Variants in ADAMTS19 observed in about 807,000 individuals in gnomAD.
ADAMTS19 encodes A disintegrin and metalloproteinase with thrombospondin motifs 19.
Under a neutral mutation model 153.3 loss-of-function variants are expected in ADAMTS19, and 93 were observed. The observed-to-expected ratio is 0.61, with a 90% confidence interval of 0.51 to 0.72. The LOEUF (loss-of-function observed/expected upper bound fraction) is 0.72, where lower values mean the gene tolerates loss of function less well. ADAMTS19 is among the 30% of genes least tolerant of loss of function. ADAMTS19 has a pLI of 0.00. For synonymous variants in ADAMTS19, 600 were observed against 556.6 expected (o/e 1.08, Z -1.10); for missense variants, 1,482 against 1,552.1 (o/e 0.95, Z 0.76).
chr5:129,589,595 G>T (rs1749997135), intron 7 of ADAMTS19, among the ~76,000 whole-genome samples: 1 of 151,934 alleles, frequency 6.6e-6, no homozygotes, highest in Non-Finnish European at 1.5e-5. Context: ...ATTATGAAGT[G>T]GTTTCTTTCT....
intron 7 of ADAMTS19, among the ~76,000 whole-genome samples, chr5:129,586,435 T>C (rs1467795659): frequency 6.6e-6 from 1 of 152,188 alleles, no homozygotes. Context: ...ATAGGTAGCC[T>C]TTTCAGACTA....
At chr5:129,510,000 T>A (rs1164011558) in intron 3 of ADAMTS19, among the ~76,000 whole-genome samples, 1 of 151,884 alleles carries the variant, frequency 6.6e-6, no homozygotes, top group Non-Finnish European at 1.5e-5. Context: ...AATTAAAAGT[T>A]TTCCTAGGAA....
intron 8 of ADAMTS19, among the ~76,000 whole-genome samples, chr5:129,607,978 C>T (rs1750988896): frequency 7.0e-6 from 1 of 142,988 alleles, no homozygotes; most frequent in Non-Finnish European, 1.5e-5. Context: ...TATATATTTC[C>T]ATTATATAAA....
intron 6 of ADAMTS19, among the ~76,000 whole-genome samples, chr5:129,537,118 T>C (rs1193086370): frequency 1.3e-5 from 2 of 151,432 alleles, no homozygotes; most frequent in Non-Finnish European, 2.9e-5. Flanking sequence ...GGGTGAAGGA[T>C]ATTAACAGAC....
chr5:129,708,506 T>A lies in ADAMTS19; in HGVS notation c.3312+4115T>A, dbSNP rs191936901. ...CTAATGTTTAATGAAATGACATTTTTTTTTTTGGTCTGAATTTGACCTTCC... is the reference window on the plus strand; with the variant it reads ...CTAATGTTTAATGAAATGACATTTTATTTTTTGGTCTGAATTTGACCTTCC... On this transcript the variant is annotated intron_variant, in intron 21 of 22. Coordinates refer to ENST00000274487, the MANE Select transcript of ADAMTS19 (RefSeq NM_133638.6). 3.4e-3 allele frequency among the ~76,000 whole-genome samples: 509 copies of A among 151,814 alleles called. 4 individuals are homozygous for A. The highest frequency in any genetic ancestry group is 0.012 in the African/African-American group (497 of 41,436).
rs181806790 is a variant in ADAMTS19, at chr5:129,494,777, T to C, written c.748-14300T>C. On this transcript the variant is annotated intron_variant, in intron 2 of 22. Coordinates refer to ENST00000274487, the MANE Select transcript of ADAMTS19 (RefSeq NM_133638.6). ...CCAAAATTATATTGTGATCCTCATA[T>C]TGTGAATTCTTCTTTCTTTCAAATT... Among the ~76,000 whole-genome samples the C allele has an allele frequency of 3.9e-3, 593 of 152,304 alleles. 1 individual carries two copies. Among genetic ancestry groups the C allele is most frequent in the Non-Finnish European group, 6.3e-3 (431 of 68,014 alleles).
At chr5:129,722,335 A>G (rs1290702670) in intron 21 of ADAMTS19, among the ~76,000 whole-genome samples, 2 of 151,952 alleles carry the variant, frequency 1.3e-5, no homozygotes, top group African/African-American at 4.8e-5. Flanking sequence ...TTTGATTTGC[A>G]TTTCTCTAAT....
chr5:129,496,921 G>A (rs551454943), intron 2 of ADAMTS19, among the ~76,000 whole-genome samples: 1 of 152,138 alleles, frequency 6.6e-6, no homozygotes, highest in African/African-American at 2.4e-5. Context: ...CAACAATATG[G>A]AACATGTAAA....
chr5:129,473,310 A>T (rs1022238018), intron 2 of ADAMTS19, among the ~76,000 whole-genome samples: 10 of 152,054 alleles, frequency 6.6e-5, no homozygotes, highest in African/African-American at 2.2e-4. Context: ...TGTTATGTAA[A>T]ATGTGATAGG....
At chr5:129,578,766 T>A (rs890397331) in intron 7 of ADAMTS19, among the ~76,000 whole-genome samples, 1 of 152,146 alleles carries the variant, frequency 6.6e-6, no homozygotes, top group Non-Finnish European at 1.5e-5. Context: ...ACAAAGGACA[T>A]GAACTCATCC....
At chr5:129,553,791 A>C (rs2126827364) in intron 7 of ADAMTS19, among the ~76,000 whole-genome samples, 1 of 152,208 alleles carries the variant, frequency 6.6e-6, no homozygotes. Flanking sequence ...TAAAATGAAA[A>C]CTTATAACAA....
intron 3 of ADAMTS19, among the ~76,000 whole-genome samples, chr5:129,525,942 ATTGAG>A (rs1213200961): frequency 6.6e-6 from 1 of 152,010 alleles, no homozygotes; most frequent in African/African-American, 2.4e-5. Context: ...TCTTTTATTT[ATTGAG>A]TTATTTTGTT....
At chr5:129,533,674 T>C (rs891533270) in intron 6 of ADAMTS19, among the ~76,000 whole-genome samples, 8 of 152,164 alleles carry the variant, frequency 5.3e-5, no homozygotes, top group Non-Finnish European at 1.0e-4. Flanking sequence ...CTAGTTCTTT[T>C]AATTGTGATG....
At chr5:129,536,746 T>A (rs959965227) in intron 6 of ADAMTS19, among the ~76,000 whole-genome samples, 1 of 151,776 alleles carries the variant, frequency 6.6e-6, no homozygotes, top group Non-Finnish European at 1.5e-5. Context: ...AAATGAAGAG[T>A]TCATGTCCTT....
intron 16 of ADAMTS19, 45 bp from the exon 17 acceptor site, chr5:129,679,719 A>C: frequency 6.9e-7 from 1 of 1,448,742 alleles, no homozygotes; most frequent in African/African-American, 1.4e-5. Context: ...TTGATCAATG[A>C]AGCTGACTTG....
At chr5:129,688,923 C>T (rs563192221) in intron 18 of ADAMTS19, among the ~76,000 whole-genome samples, 33 of 152,056 alleles carry the variant, frequency 2.2e-4, no homozygotes, top group South Asian at 4.2e-4. Context: ...GATCAGTTTG[C>T]TACAAGGTTC....
At chr5:129,680,708 G>A (rs1754763355) in intron 17 of ADAMTS19, among the ~76,000 whole-genome samples, 1 of 150,434 alleles carries the variant, frequency 6.6e-6, no homozygotes, top group South Asian at 2.1e-4. Context: ...GTTGCAGTGA[G>A]CAGAGATCAA....
rs546876070 is a variant in ADAMTS19 at position 129,469,991 on chromosome 5, A to T, written c.747+8234A>T. Among the ~76,000 whole-genome samples the T allele has an allele frequency of 2.6e-5, 4 of 152,346 alleles. No individual in the cohort carries two copies. The East Asian group carries it at 7.7e-4, about 29-fold the overall frequency. On this transcript the variant is annotated intron_variant, in intron 2 of 22. Coordinates refer to ENST00000274487, the MANE Select transcript of ADAMTS19 (RefSeq NM_133638.6). ...GGAAGCTACATAGTGAATAAACAGA[A>T]TTGTGATGCTGATCGAATAAGCTAC... is the stretch of plus-strand genomic sequence containing the variant.
intron 21 of ADAMTS19, among the ~76,000 whole-genome samples, chr5:129,721,223 G>T (rs1258394069): frequency 6.6e-6 from 1 of 152,146 alleles, no homozygotes; most frequent in Non-Finnish European, 1.5e-5. Flanking sequence ...CTATGGGAAA[G>T]AATACATGAA....
Sources: allele counts gnomAD v4.1 joint callset (sites outside exome capture counted in the v4.1 genomes callset), GRCh38; gene constraint gnomAD v4.1.1; transcripts MANE v1.5; gene names NCBI Gene and HGNC (gene_info 2026-07-23, HGNC 2026-07-21).